SLC4A10: variants seen among roughly 807,000 people sequenced by gnomAD.
The protein encoded by SLC4A10 is solute carrier family 4 member 10.
In SLC4A10, 42 loss-of-function variants were observed where a neutral mutation model predicts 137.7. The ratio of observed to expected loss-of-function variants is 0.30; its 90% CI spans 0.24 to 0.39. The LOEUF (loss-of-function observed/expected upper bound fraction) is 0.39, where lower values mean the gene tolerates loss of function less well. SLC4A10 is among the 10% of genes least tolerant of loss of function. SLC4A10 has a pLI of 1.00. For synonymous variants in SLC4A10, 474 were observed against 464.1 expected, an observed-to-expected ratio of 1.02 and a Z score of -0.27; for missense variants, 925 against 1,355.0, an observed-to-expected ratio of 0.68 and a Z score of 4.98.
intron 1 of SLC4A10, among the ~76,000 whole-genome samples, chr2:161,752,917 CA>C (rs773841185): frequency 4.0e-5 from 6 of 151,716 alleles, no homozygotes; most frequent in Non-Finnish European, 5.9e-5. Context: ...GTTTTTACCA[CA>C]AAAAAATGAC....
At chr2:161,871,437 C>T (rs2061115922) in intron 6 of SLC4A10, among the ~76,000 whole-genome samples, 1 of 151,778 alleles carries the variant, frequency 6.6e-6, no homozygotes, top group Non-Finnish European at 1.5e-5. Context: ...ATTTTCATTG[C>T]ATTGCTAACT....
chr2:161,830,174 A>G (rs77020567), intron 3 of SLC4A10, among the ~76,000 whole-genome samples: 1 of 150,832 alleles, frequency 6.6e-6, no homozygotes, highest in Middle Eastern at 3.4e-3. Context: ...AAAAAAAAAA[A>G]AAATAACAAC....
intron 6 of SLC4A10, among the ~76,000 whole-genome samples, chr2:161,865,397 G>T (rs1559416212): frequency 6.6e-6 from 1 of 152,032 alleles, no homozygotes; most frequent in Admixed American, 6.5e-5. Flanking sequence ...GAATCTGAGT[G>T]GTTCTAAAGT....
Position 161,685,635 on chromosome 2 carries a change from CAAA to C in SLC4A10, c.48+61078_48+61080del, listed in dbSNP as rs201910372. ...AAAAACAAACAAACAAACAAACAAA[CAAA>C]AAAAAAAACAAAGAAATTGAGGTTT... On this transcript the variant is annotated intron_variant, in intron 1 of 26. Transcript: ENST00000446997. Among the ~76,000 whole-genome samples the C allele has an allele frequency of 1.2e-4, 8 of 68,020 alleles. No individual in the cohort carries two copies. The East Asian group carries it at 4.6e-3, about 39-fold the overall frequency. 44.6% of individuals were successfully genotyped at this position (68,020 alleles called of 152,430 possible).
chr2:161,768,956 G>A (rs2051227894), intron 1 of SLC4A10, among the ~76,000 whole-genome samples: 1 of 151,916 alleles, frequency 6.6e-6, no homozygotes, highest in Non-Finnish European at 1.5e-5. Flanking sequence ...GTTTCCCATA[G>A]TCATGGTGAA....
Position 161,691,510 on chromosome 2 carries a change from G to A in SLC4A10, c.48+66944G>A, listed in dbSNP as rs144982753. 6.0e-4 allele frequency among the ~76,000 whole-genome samples: 91 copies of A among 152,130 alleles called. 1 individual carries two copies. Among genetic ancestry groups the A allele is most frequent in the African/African-American group, 2.0e-3 (83 of 41,514 alleles). ...ACATAGAATAAATGCTTGACAGGAT[G>A]GGTAGCCCATTTTCTATAATGTTAT... On this transcript the variant is annotated intron_variant, in intron 1 of 26. Transcript: ENST00000446997.
At chr2:161,775,886 T>C (rs1300938931) in intron 2 of SLC4A10, among the ~76,000 whole-genome samples, 1 of 151,890 alleles carries the variant, frequency 6.6e-6, no homozygotes, top group Non-Finnish European at 1.5e-5. Context: ...ATTAACTACT[T>C]AAATGATCAT....
chr2:161,904,952 T>C, intron 14 of SLC4A10, 43 bp downstream of exon 14: 1 of 1,601,482 alleles, frequency 6.2e-7, no homozygotes, highest in Non-Finnish European at 8.5e-7. Flanking sequence ...CTTCCTTTTT[T>C]CTTTACTGTA....
intron 1 of SLC4A10, among the ~76,000 whole-genome samples, chr2:161,642,283 T>A (rs75984886): frequency 6.0e-4 from 91 of 152,080 alleles, no homozygotes; most frequent in African/African-American, 1.8e-3. Flanking sequence ...ACTTTCATAG[T>A]TATACTGAAA....
chr2:161,877,461 ATCT>A (rs1220057885), intron 8 of SLC4A10, among the ~76,000 whole-genome samples: 1 of 152,030 alleles, frequency 6.6e-6, no homozygotes, highest in African/African-American at 2.4e-5. Context: ...TATATGGGAA[ATCT>A]TCTATTCCCT....
chr2:161,863,189 C>G (rs2060532511), intron 6 of SLC4A10, 127 bp downstream of exon 6: 1 of 885,074 alleles, frequency 1.1e-6, no homozygotes, highest in Non-Finnish European at 1.6e-6. Flanking sequence ...TTGTAGAATT[C>G]TTTTCACATG....
intron 2 of SLC4A10, among the ~76,000 whole-genome samples, chr2:161,798,390 C>T (rs936608069): frequency 4.6e-5 from 7 of 151,858 alleles, no homozygotes; most frequent in Non-Finnish European, 1.0e-4. Flanking sequence ...CCCCTTCCCT[C>T]CCAGCTAAAT....
chr2:161,878,916 A>G (rs1402385465), intron 8 of SLC4A10, among the ~76,000 whole-genome samples: 2 of 152,186 alleles, frequency 1.3e-5, no homozygotes, highest in Admixed American at 1.3e-4. Flanking sequence ...AAATAGAAGT[A>G]CCAGAGTACT....
chr2:161,879,216 C>T lies in SLC4A10; in HGVS notation c.1034C>T (p.Thr345Ile), dbSNP rs2061607182. 6.2e-7 allele frequency: 1 copy of T among 1,613,248 alleles called. No homozygotes were observed. ...LVGELEFLDR[T>I]VVAFVRLSPA... is the part of the protein sequence containing the mutation. ...GGAGAACTGGAGTTCTTGGATCGAA[C>T]AGTAGTTGCGTTTGTCAGGTTGTCT... The change falls in exon 9 of 27, where the codon ACA (threonine) becomes ATA (isoleucine). Residue 345 changes from threonine to isoleucine, a missense_variant. By Grantham distance (89) the Thr-to-Ile change is moderately conservative. This residue lies in a region of SLC4A10 where 277 missense variants were observed against 306.1 expected (regional missense o/e 0.90). Coordinates refer to ENST00000446997, the MANE Select transcript of SLC4A10 (RefSeq NM_001178015.2).
intron 1 of SLC4A10, among the ~76,000 whole-genome samples, chr2:161,693,002 C>CAATA (rs937350654): frequency 1.3e-5 from 2 of 151,698 alleles, no homozygotes; most frequent in Non-Finnish European, 2.9e-5. Flanking sequence ...TAAATTGAAA[C>CAATA]AATAAACAGT....
intron 1 of SLC4A10, among the ~76,000 whole-genome samples, chr2:161,764,614 G>A (rs948796861): frequency 6.6e-6 from 1 of 152,096 alleles, no homozygotes; most frequent in African/African-American, 2.4e-5. Flanking sequence ...ATGGGCAAGA[G>A]TTACAGTAAA....
At chr2:161,838,136 T>G (rs1408281431) in intron 3 of SLC4A10, among the ~76,000 whole-genome samples, 1 of 152,148 alleles carries the variant, frequency 6.6e-6, no homozygotes, top group South Asian at 2.1e-4. Flanking sequence ...TTTTAGAAAG[T>G]CCAGAAAAAC....
At chr2:161,968,935 T>TA (rs1366170989) in intron 23 of SLC4A10, among the ~76,000 whole-genome samples, 38 of 152,362 alleles carry the variant, frequency 2.5e-4, no homozygotes, top group Non-Finnish European at 8.8e-5. Context: ...GATGTGATCT[T>TA]ACTGTGGCAT....
chr2:161,978,969 CT>C (rs747064080), intron 26 of SLC4A10, among the ~76,000 whole-genome samples: 14 of 152,112 alleles, frequency 9.2e-5, no homozygotes, highest in Non-Finnish European at 1.9e-4. Flanking sequence ...TTTGCTAGTA[CT>C]TTTGAAGAAA....
Sources: gnomAD v4.1 joint callset for allele counts (sites outside exome capture counted in the v4.1 genomes callset) on GRCh38, gnomAD v4.1.1 for gene constraint, gnomAD v4.1.1 regional missense constraint, MANE v1.5 for transcripts, NCBI Gene and HGNC (gene_info 2026-07-23, HGNC 2026-07-21) for gene names.